Variants in TUSC3 observed in about 807,000 individuals in gnomAD.
TUSC3 encodes tumor suppressor candidate 3.
TUSC3 carries 45 observed loss-of-function variants against 44.8 expected under a neutral mutation model. That is an observed-to-expected ratio of 1.00 (90% confidence interval 0.79 to 1.29). The LOEUF (loss-of-function observed/expected upper bound fraction) is 1.29. Among genes scored for constraint, TUSC3 ranks in the 50% most tolerant of loss-of-function variants. The pLI is 0.00. For synonymous variants in TUSC3, 212 were observed against 152.9 expected (o/e 1.39, Z -2.85); for missense variants, 519 against 437.9 (o/e 1.19, Z -1.65).
At position 15,765,414 on chromosome 8, in the gene TUSC3, C is replaced by T. The variant is rs1812300118; in HGVS notation, c.*1258C>T. 1 of 151,754 alleles carries T rather than the reference C, an allele frequency of 6.6e-6. No homozygotes were observed. Among genetic ancestry groups the T allele is most frequent in the Non-Finnish European group, 1.5e-5 (1 of 67,878 alleles). The allele number at this position is 151,754 out of a possible 1,614,324, so 9.4% of individuals were successfully genotyped here. A position where few individuals can be genotyped will look rare whatever the true frequency, so the allele number is the denominator to read the frequency against. ...TTTCATTAAGATTTGAGTAACAGAC[C>T]ATGGAGAATTGTTTTCATTGGGAGT... On this transcript the variant is annotated 3_prime_UTR_variant, in exon 11 of 11. Transcript: ENST00000503731.
At chr8:15,607,647 A>G (rs1377818328) in intron 1 of TUSC3, among the ~76,000 whole-genome samples, 1 of 152,136 alleles carries the variant, frequency 6.6e-6, no homozygotes, top group African/African-American at 2.4e-5. Flanking sequence ...TTAACAATTG[A>G]CTGTGCTTGC....
chr8:15,514,274 G>T (rs1397784850), intron 2 of TUSC3, among the ~76,000 whole-genome samples: 1 of 152,142 alleles, frequency 6.6e-6, no homozygotes, highest in Non-Finnish European at 1.5e-5. Flanking sequence ...TGACAAAATA[G>T]ATGTTTTATT....
At chr8:15,553,108 A>T (rs1400796553) in intron 1 of TUSC3, among the ~76,000 whole-genome samples, 1 of 151,780 alleles carries the variant, frequency 6.6e-6, no homozygotes, top group Admixed American at 6.6e-5. Context: ...TTTCGAAGGA[A>T]GATAACATGT....
intron 1 of TUSC3, among the ~76,000 whole-genome samples, chr8:15,622,651 G>A (rs1414480989): frequency 1.3e-5 from 2 of 152,124 alleles, no homozygotes; most frequent in African/African-American, 4.8e-5. Context: ...TTGCAGCTTT[G>A]TGTTTGTGGG....
the TUSC3 span, among the ~76,000 whole-genome samples, chr8:15,826,870 T>A: frequency 6.6e-6 from 1 of 152,146 alleles, no homozygotes; most frequent in Admixed American, 6.5e-5. Context: ...GAGGAGTATA[T>A]CCAGCCTTAC....
At chr8:15,540,681 G>T in intron 1 of TUSC3, 113 bp downstream of exon 1, 1 of 1,378,418 alleles carries the variant, frequency 7.3e-7, no homozygotes, top group South Asian at 1.6e-5. Context: ...CGTGGGCGAT[G>T]CCGGCGCTGG....
chr8:15,789,034 C>T, the TUSC3 span, among the ~76,000 whole-genome samples: 1 of 152,200 alleles, frequency 6.6e-6, no homozygotes, highest in Non-Finnish European at 1.5e-5. Flanking sequence ...TTCACATATG[C>T]TTGTTTAAAA....
intron 7 of TUSC3, among the ~76,000 whole-genome samples, chr8:15,731,345 C>G (rs1199559861): frequency 6.6e-6 from 1 of 152,120 alleles, no homozygotes; most frequent in Non-Finnish European, 1.5e-5. Context: ...AGTTTGGACA[C>G]TGTTTTGGGG....
the TUSC3 span, among the ~76,000 whole-genome samples, chr8:15,798,200 G>C: frequency 6.6e-6 from 1 of 152,124 alleles, no homozygotes. Flanking sequence ...ATTCATATGT[G>C]GAAGCATCAA....
Position 15,764,521 on chromosome 8 carries a change from G to C in TUSC3, c.*365G>C, listed in dbSNP as rs1812273342. 1 of 309,194 alleles carries C rather than the reference G, an allele frequency of 3.2e-6. No individual in the cohort carries two copies. The highest frequency in any genetic ancestry group is 7.1e-5 in the East Asian group (1 of 14,036). 19.2% of individuals were successfully genotyped at this position (309,194 alleles called of 1,614,324 possible). A position where few individuals can be genotyped will look rare whatever the true frequency, so the allele number is the denominator to read the frequency against. ...TAGAGCTGTTTACTCATTAGTAAAG[G>C]ACCGCAATGTTAGTAAAGAAAACCT... On this transcript the variant is annotated 3_prime_UTR_variant, in exon 11 of 11. Transcript: ENST00000503731.
At chr8:15,654,772 G>A (rs1427482604) in intron 3 of TUSC3, among the ~76,000 whole-genome samples, 1 of 151,970 alleles carries the variant, frequency 6.6e-6, no homozygotes, top group African/African-American at 2.4e-5. Flanking sequence ...CCTCCAGCCT[G>A]GGTGACACAG....
At chr8:15,526,133 C>T (rs1034429429) in intron 2 of TUSC3, among the ~76,000 whole-genome samples, 4 of 151,896 alleles carry the variant, frequency 2.6e-5, no homozygotes, top group Non-Finnish European at 4.4e-5. Context: ...CCAGGGTTCC[C>T]GCCATTCTTC....
At chr8:15,790,686 G>A in the TUSC3 span, among the ~76,000 whole-genome samples, 1 of 152,288 alleles carries the variant, frequency 6.6e-6, no homozygotes, top group Non-Finnish European at 1.5e-5. Flanking sequence ...CCGGTGCAAT[G>A]TTTAGTGATA....
rs112273926 is a variant in TUSC3 at position 15,695,885 on chromosome 8, A to G, written c.798+22049A>G. Among the ~76,000 whole-genome samples, 232 of 152,254 alleles carry G rather than the reference A, an allele frequency of 1.5e-3. 1 individual carries two copies. Among genetic ancestry groups the G allele is most frequent in the Non-Finnish European group, 2.6e-3 (178 of 68,010 alleles). On this transcript the variant is annotated intron_variant, in intron 6 of 10. Coordinates refer to ENST00000503731, the MANE Select transcript of TUSC3 (RefSeq NM_006765.4). Reference sequence around the variant, plus strand: ...TGATTTAGGGTATGTGGTGGAAGAAATTTCTCAGCAGCAAAGCATTCAAGA... The same window carrying G: ...TGATTTAGGGTATGTGGTGGAAGAAGTTTCTCAGCAGCAAAGCATTCAAGA...
At chr8:15,489,368 T>G (rs925948621) in intron 2 of TUSC3, among the ~76,000 whole-genome samples, 1 of 152,174 alleles carries the variant, frequency 6.6e-6, no homozygotes, top group Admixed American at 6.5e-5. Context: ...GTTCTTATTA[T>G]GCAGATGAAG....
intron 1 of TUSC3, among the ~76,000 whole-genome samples, chr8:15,481,774 A>G (rs1435692158): frequency 6.6e-6 from 1 of 152,222 alleles, no homozygotes; most frequent in Non-Finnish European, 1.5e-5. Flanking sequence ...AGCCTTCAGC[A>G]AATCATAATC....
chr8:15,588,436 G>C (rs1162484995), intron 1 of TUSC3, among the ~76,000 whole-genome samples: 1 of 152,012 alleles, frequency 6.6e-6, no homozygotes, highest in Non-Finnish European at 1.5e-5. Context: ...AGGTGTTCGA[G>C]TTCTTGTATA....
intron 2 of TUSC3, among the ~76,000 whole-genome samples, chr8:15,499,069 C>A (rs115311812): frequency 0.031 from 4,690 of 151,836 alleles, 246 homozygotes; most frequent in African/African-American, 0.11. Context: ...CCAACTTGCC[C>A]CAACTCTTGC....
intron 6 of TUSC3, among the ~76,000 whole-genome samples, chr8:15,722,787 C>G (rs980853996): frequency 6.6e-6 from 1 of 151,734 alleles, no homozygotes; most frequent in Non-Finnish European, 1.5e-5. Context: ...GATATTTTAT[C>G]TGAATGTGTA....
Sources: gnomAD v4.1 joint callset for allele counts (sites outside exome capture counted in the v4.1 genomes callset) on GRCh38, gnomAD v4.1.1 for gene constraint, MANE v1.5 for transcripts, NCBI Gene and HGNC (gene_info 2026-07-23, HGNC 2026-07-21) for gene names.